POU2F2: variants seen among roughly 807,000 people sequenced by gnomAD.
POU2F2 encodes the protein POU class 2 homeobox 2.
In POU2F2, 14 loss-of-function variants were observed where a neutral mutation model predicts 63.5. The ratio of observed to expected loss-of-function variants is 0.22; its 90% CI spans 0.15 to 0.34. The LOEUF is 0.34. Among genes scored for constraint, POU2F2 ranks in the 10% least tolerant of loss-of-function variants. The pLI is 1.00. For synonymous variants in POU2F2, 306 were observed against 348.6 expected (o/e 0.88, Z 1.36); for missense variants, 607 against 815.2 (o/e 0.74, Z 3.11).
upstream of POU2F2, among the ~76,000 whole-genome samples, chr19:42,177,843 G>C (rs1296184114): frequency 1.3e-5 from 2 of 151,718 alleles, no homozygotes; most frequent in African/African-American, 4.8e-5. Flanking sequence ...AAAGAGAGAG[G>C]GGACAGGACA....
At chr19:42,108,343 C>A (rs1200421667) in intron 5 of POU2F2, among the ~76,000 whole-genome samples, 1 of 152,172 alleles carries the variant, frequency 6.6e-6, no homozygotes, top group African/African-American at 2.4e-5. Flanking sequence ...ATAGTTCCAG[C>A]ACTTTGGGAG....
chr19:42,106,181 C>T (rs1040072073), intron 5 of POU2F2, among the ~76,000 whole-genome samples: 1 of 151,882 alleles, frequency 6.6e-6, no homozygotes, highest in Non-Finnish European at 1.5e-5. Context: ...GCTTGGCTCA[C>T]TGCAACCTCT....
At chr19:42,121,959 G>C in intron 4 of POU2F2, 167 bp downstream of exon 4, 1 of 693,942 alleles carries the variant, frequency 1.4e-6, no homozygotes, top group Non-Finnish European at 2.5e-6. Context: ...GAGCCTGCGT[G>C]AGTCACAGGC....
intron 2 of POU2F2, among the ~76,000 whole-genome samples, chr19:42,139,235 G>T (rs1289475015): frequency 3.3e-5 from 5 of 152,130 alleles, no homozygotes; most frequent in Non-Finnish European, 7.4e-5. Flanking sequence ...CAGGAAAATC[G>T]CTTGAACCCA....
intron 12 of POU2F2, 122 bp downstream of exon 12, chr19:42,093,707 C>G: frequency 1.0e-6 from 1 of 978,780 alleles, no homozygotes; most frequent in Non-Finnish European, 1.5e-6. Context: ...CCCATTCCCC[C>G]ACCCACACTC....
chr19:42,140,855 G>T (rs1599653272), intron 2 of POU2F2, among the ~76,000 whole-genome samples: 1 of 152,130 alleles, frequency 6.6e-6, no homozygotes. Context: ...GGCACCCATG[G>T]TCCACAGAAT....
At chr19:42,143,787 C>G (rs1186817535) in intron 2 of POU2F2, among the ~76,000 whole-genome samples, 4 of 152,172 alleles carry the variant, frequency 2.6e-5, no homozygotes, top group Non-Finnish European at 2.9e-5. Context: ...CAGTCCTTCC[C>G]CAGGTGTTCC....
rs539272129 is a variant in POU2F2, at chr19:42,147,362, C to G, written c.-9+12970G>C. Among the ~76,000 whole-genome samples, 430 of 152,326 alleles carry G rather than the reference C, an allele frequency of 2.8e-3. 3 individuals are homozygous for G. Among genetic ancestry groups the G allele is most frequent in the African/African-American group, 1.0e-2 (415 of 41,558 alleles). ...GTGCTCTTTGCCCCATTAAATCCTA[C>G]TCGTCTTTTAAGGTTTGGCTTAAAT... On this transcript the variant is annotated intron_variant, in intron 2 of 6. Coordinates refer to the POU2F2 transcript ENST00000524801.
chr19:42,129,300 G>T (rs2033483585), intron 1 of POU2F2, among the ~76,000 whole-genome samples: 1 of 151,978 alleles, frequency 6.6e-6, no homozygotes, highest in Non-Finnish European at 1.5e-5. Flanking sequence ...GCAATGCATA[G>T]CCCTACCAGG....
chr19:42,186,281 C>T (rs1006374088), intron 1 of POU2F2, among the ~76,000 whole-genome samples: 7 of 152,124 alleles, frequency 4.6e-5, no homozygotes, highest in African/African-American at 1.2e-4. Context: ...GCCGAGATTG[C>T]GCCACGGCAC....
At chr19:42,164,115 G>A (rs1269282682) in intron 1 of POU2F2, among the ~76,000 whole-genome samples, 1 of 152,146 alleles carries the variant, frequency 6.6e-6, no homozygotes, top group Non-Finnish European at 1.5e-5. Flanking sequence ...CCAACATGGT[G>A]AAACTCCATC....
intron 1 of POU2F2, among the ~76,000 whole-genome samples, chr19:42,126,093 T>C (rs997080626): frequency 9.9e-5 from 15 of 152,076 alleles, no homozygotes; most frequent in African/African-American, 3.4e-4. Flanking sequence ...TTTAAAGACG[T>C]AATTAAGGTA....
At chr19:42,106,007 CT>C (rs920421310) in intron 5 of POU2F2, among the ~76,000 whole-genome samples, 12 of 119,882 alleles carry the variant, frequency 1.0e-4, no homozygotes, top group Non-Finnish European at 1.8e-5. Flanking sequence ...TTTTTTCTTT[CT>C]TTCTTTCTTT....
chr19:42,150,417 G>A (rs1299100132), intron 2 of POU2F2, among the ~76,000 whole-genome samples: 1 of 151,442 alleles, frequency 6.6e-6, no homozygotes, highest in Non-Finnish European at 1.5e-5. Flanking sequence ...GGCAGGGGAG[G>A]GGGTGGAGAG....
intron 1 of POU2F2, among the ~76,000 whole-genome samples, chr19:42,164,160 G>T (rs1009735931): frequency 1.3e-5 from 2 of 152,166 alleles, no homozygotes; most frequent in East Asian, 3.9e-4. Context: ...CGGGTGTGGT[G>T]GTGCGCCTGT....
In POU2F2 at chr19:42,090,984, TG is replaced by T. The variant is rs1450000708; in HGVS notation, c.*272del. ...TGATTTTGTGGGTTTTTTTTTTTTTTGGTTTGTTTTTGGTTTTTTTTTGTTT... is the reference window on the plus strand; with the variant it reads ...TGATTTTGTGGGTTTTTTTTTTTTTTGTTTGTTTTTGGTTTTTTTTTGTTT... On this transcript the variant is annotated 3_prime_UTR_variant, in exon 15 of 15. Coordinates refer to ENST00000692977, the MANE Select transcript of POU2F2 (RefSeq NM_001394376.1). The surrounding 1 kb of genome is among the most constrained non-coding windows in gnomAD (Gnocchi z 4.4). 7.1e-6 allele frequency: 2 copies of T among 281,990 alleles called. No homozygotes were observed. Among genetic ancestry groups the T allele is most frequent in the East Asian group, 6.0e-5 (1 of 16,602 alleles). The allele number at this position is 281,990 out of a possible 1,614,324, so 17.5% of individuals were successfully genotyped here.
intron 2 of POU2F2, among the ~76,000 whole-genome samples, chr19:42,142,762 A>C (rs2034155074): frequency 6.6e-6 from 1 of 151,342 alleles, no homozygotes; most frequent in Non-Finnish European, 1.5e-5. Flanking sequence ...CAGGATTTCA[A>C]CATGTTGCAT....
upstream of POU2F2, chr19:42,177,251 CCCCGCTCCCGCT>C (rs963014224): frequency 2.5e-4 from 39 of 155,486 alleles, no homozygotes; most frequent in East Asian, 1.5e-3. Flanking sequence ...CCAACGCTAC[CCCCGCTCCCGCT>C]CCCGCTCCCG....
intron 1 of POU2F2, among the ~76,000 whole-genome samples, chr19:42,161,769 A>C (rs1382314592): frequency 6.6e-6 from 1 of 151,848 alleles, no homozygotes; most frequent in Non-Finnish European, 1.5e-5. Context: ...GCAGAAGGGG[A>C]CCAGAACCCC....
Sources: gnomAD v4.1 joint callset for allele counts (sites outside exome capture counted in the v4.1 genomes callset) on GRCh38, gnomAD v4.1.1 for gene constraint, Gnocchi (gnomAD v3.1) non-coding constraint, MANE v1.5 for transcripts, NCBI Gene and HGNC (gene_info 2026-07-23, HGNC 2026-07-21) for gene names.